The following KCNE4 variants were observed in gnomAD, a reference collection of about 807,000 sequenced individuals.
The protein encoded by KCNE4 is potassium voltage-gated channel subfamily E regulatory subunit 4.
Under a neutral mutation model 9.2 loss-of-function variants are expected in KCNE4, and 6 were observed. The ratio of observed to expected loss-of-function variants is 0.65; its 90% CI spans 0.36 to 1.29. KCNE4 has a LOEUF of 1.29. Among genes scored for constraint, KCNE4 ranks in the 50% most tolerant of loss-of-function variants. The pLI, the probability that KCNE4 is intolerant of heterozygous loss-of-function variation, is 0.03. For synonymous variants in KCNE4, 115 were observed against 103.2 expected, an observed-to-expected ratio of 1.11 and a Z score of -0.70; for missense variants, 222 against 228.8, an observed-to-expected ratio of 0.97 and a Z score of 0.19.
In KCNE4 at chr2:223,055,382, G is replaced by A. The variant is rs748740211; in HGVS notation, c.*2039G>A. ...TTTAAGTTGAAAGAAGCCAAGTTAAGTTTGGCCTCTTGCCTGGAATCACTT... is the reference window on the plus strand; with the variant it reads ...TTTAAGTTGAAAGAAGCCAAGTTAAATTTGGCCTCTTGCCTGGAATCACTT... On this transcript the variant is annotated 3_prime_UTR_variant, in exon 2 of 2. Coordinates refer to ENST00000281830, the MANE Select transcript of KCNE4 (RefSeq NM_080671.4). 2.4e-5 allele frequency: 4 copies of A among 167,096 alleles called. No individual in the cohort carries two copies. The highest frequency in any genetic ancestry group is 1.3e-4 in the Admixed American group (2 of 15,282). 10.4% of individuals were successfully genotyped at this position (167,096 alleles called of 1,614,324 possible).
Position 223,053,400 on chromosome 2 carries a change from GA to G in KCNE4, c.*58del. The G allele has an allele frequency of 6.6e-7, 1 of 1,523,890 alleles. No homozygotes were observed. Among genetic ancestry groups the G allele is most frequent in the Non-Finnish European group, 9.0e-7 (1 of 1,111,938 alleles). 94.4% of individuals were successfully genotyped at this position (1,523,890 alleles called of 1,614,324 possible). Reference sequence around the variant, plus strand: ...AGCCAGCAACCTTAGAGAGAGGAAAGACAGTTTTCAAGTGTCTGGTTTCACT... The same window carrying G: ...AGCCAGCAACCTTAGAGAGAGGAAAGCAGTTTTCAAGTGTCTGGTTTCACT... On this transcript the variant is annotated 3_prime_UTR_variant, in exon 2 of 2. Transcript: ENST00000281830. This position sits in a 1 kb window ranked among gnomAD's most constrained non-coding sequence, Gnocchi z 4.1.
At position 223,053,267 on chromosome 2, in the gene KCNE4, A is replaced by G; in HGVS notation, c.437A>G (p.Glu146Gly). The stretch of plus-strand genomic sequence containing the variant: ...ATTCAGGAGGAGGGGGCAGACGATG[A>G]GCTGGAGGAGACCTCGGAGACGCCC... ...LTIQEEGADD[E>G]LEETSETPLN... The change falls in exon 2 of 2, where the codon GAG becomes GGG. Residue 146 changes from glutamate to glycine, a missense_variant. By Grantham distance (98) the Glu-to-Gly change is moderately conservative (BLOSUM62 -2). Coordinates refer to ENST00000281830, the MANE Select transcript of KCNE4 (RefSeq NM_080671.4). This position sits in a 1 kb window ranked among gnomAD's most constrained non-coding sequence, Gnocchi z 4.1. 1.2e-6 allele frequency: 2 copies of G among 1,613,920 alleles called. No homozygotes were observed. Among genetic ancestry groups the G allele is most frequent in the Non-Finnish European group, 1.7e-6 (2 of 1,180,002 alleles).
rs1559332586 is a variant in KCNE4, at chr2:223,053,539, T to G, written c.*196T>G. The stretch of plus-strand genomic sequence containing the variant: ...ACCTCCAAGGAGTCCGGGAGGTGCC[T>G]GTGGTTTGCACCCACCACTGAAAAA... On this transcript the variant is annotated 3_prime_UTR_variant, in exon 2 of 2. Coordinates refer to ENST00000281830, the MANE Select transcript of KCNE4 (RefSeq NM_080671.4). This position sits in a 1 kb window ranked among gnomAD's most constrained non-coding sequence, Gnocchi z 4.1. 4.7e-6 allele frequency: 3 copies of G among 637,696 alleles called. No individual in the cohort carries two copies. Among genetic ancestry groups the G allele is most frequent in the Non-Finnish European group, 8.5e-6 (3 of 352,428 alleles). 39.5% of individuals were successfully genotyped at this position (637,696 alleles called of 1,614,324 possible).
rs1452697744 is a variant in KCNE4, at chr2:223,052,906, G to T, written c.76G>T (p.Ala26Ser). 1.2e-6 allele frequency: 2 copies of T among 1,613,898 alleles called. No homozygotes were observed. Among genetic ancestry groups the T allele is most frequent in the South Asian group, 2.2e-5 (2 of 91,096 alleles). The part of the protein sequence containing the change: ...ASSSPLESRA[A>S]GGGSGNGNEY... ...CAGCAGCCCCCTGGAGTCCCGTGCG[G>T]CCGGCGGCGGCAGCGGCAATGGCAA... The change falls in exon 2 of 2, where the codon GCC (alanine) becomes TCC (serine). Residue 26 changes from alanine to serine, a missense_variant. Transcript: ENST00000281830.
Position 223,053,201 on chromosome 2 carries a change from G to A in KCNE4, c.371G>A (p.Ser124Asn). 6.2e-7 allele frequency: 1 copy of A among 1,612,864 alleles called. No homozygotes were observed. Among genetic ancestry groups the A allele is most frequent in the Non-Finnish European group, 8.5e-7 (1 of 1,179,210 alleles). Residue 124 changes from serine to asparagine, a missense_variant, in exon 2 of 2, where the codon AGC becomes AAC. Coordinates refer to ENST00000281830, the MANE Select transcript of KCNE4 (RefSeq NM_080671.4). This position sits in a 1 kb window ranked among gnomAD's most constrained non-coding sequence, Gnocchi z 4.1. The stretch of plus-strand genomic sequence containing the variant: ...ACCCTCTGTTCCATGGAAGGGGACA[G>A]CGTGAGCTCCGAGTCCTCCTCCCCG... The part of the protein sequence containing the change: ...SCTLCSMEGD[S>N]VSSESSSPDV...
chr2:223,052,585 A>G (rs1698709155), intron 1 of KCNE4, among the ~76,000 whole-genome samples: 1 of 151,584 alleles, frequency 6.6e-6, no homozygotes, highest in Admixed American at 6.6e-5. Flanking sequence ...AAAAAAAAAA[A>G]AAGTCCTTCT....
At chr2:223,052,426 A>C (rs1237042934) in intron 1 of KCNE4, among the ~76,000 whole-genome samples, 152 bp downstream of exon 1, 1 of 152,156 alleles carries the variant, frequency 6.6e-6, no homozygotes, top group Non-Finnish European at 1.5e-5. Context: ...TTGGTTTTGG[A>C]AACACAATGT....
At position 223,052,287 on chromosome 2, in the gene KCNE4, G is replaced by A; in HGVS notation, c.-24+13G>A. The A allele has an allele frequency of 1.6e-6, 2 of 1,237,988 alleles. No individual in the cohort carries two copies. Among genetic ancestry groups the A allele is most frequent in the Non-Finnish European group, 2.0e-6 (2 of 991,824 alleles). The allele number at this position is 1,237,988 out of a possible 1,614,324, so 76.7% of individuals were successfully genotyped here. A position where few individuals can be genotyped will look rare whatever the true frequency, so the allele number is the denominator to read the frequency against. On this transcript the variant is annotated intron_variant, in intron 1 of 1. Transcript: ENST00000281830. The stretch of plus-strand genomic sequence containing the variant: ...ACTGTCAGCCTTGGTAAGTCAGCAA[G>A]GCTACACTTTGCTTTCAGAAACATT...
In KCNE4 at chr2:223,053,372, A is replaced by G. The variant is rs1217269047; in HGVS notation, c.*29A>G. ...CCCCGGGACCCCTGCCGGTGGCTCCATCAGCCAGCAACCTTAGAGAGAGGA... is the reference window on the plus strand; with the variant it reads ...CCCCGGGACCCCTGCCGGTGGCTCCGTCAGCCAGCAACCTTAGAGAGAGGA... On this transcript the variant is annotated 3_prime_UTR_variant, in exon 2 of 2. Coordinates refer to ENST00000281830, the MANE Select transcript of KCNE4 (RefSeq NM_080671.4). The surrounding 1 kb of genome is among the most constrained non-coding windows in gnomAD (Gnocchi z 4.1). 1.3e-6 allele frequency: 2 copies of G among 1,595,526 alleles called. No individual in the cohort carries two copies. Among genetic ancestry groups the G allele is most frequent in the South Asian group, 2.2e-5 (2 of 89,676 alleles).
rs1698752003 is a variant in KCNE4, at chr2:223,055,347, A to G, written c.*2004A>G. ...TAAAATTCAGTGTGGACTTATGCCA[A>G]AGGGGGCTGTTTAAGTTGAAAGAAG... On this transcript the variant is annotated 3_prime_UTR_variant, in exon 2 of 2. Transcript: ENST00000281830. The G allele has an allele frequency of 6.0e-6, 1 of 167,182 alleles. No homozygotes were observed. Among genetic ancestry groups the G allele is most frequent in the South Asian group, 2.1e-4 (1 of 4,828 alleles). 10.4% of individuals were successfully genotyped at this position (167,182 alleles called of 1,614,324 possible).
rs1698728437 is a variant in KCNE4, at chr2:223,053,682, G to T, written c.*339G>T. ...TCACTGGATGCCCTGGGTAGCTCCT[G>T]CAGGGTCTGCCTGTTCCCAGGGCTG... On this transcript the variant is annotated 3_prime_UTR_variant, in exon 2 of 2. Transcript: ENST00000281830. The surrounding 1 kb of genome is among the most constrained non-coding windows in gnomAD (Gnocchi z 4.1). The T allele has an allele frequency of 5.4e-6, 2 of 369,480 alleles. No individual in the cohort carries two copies. Among genetic ancestry groups the T allele is most frequent in the South Asian group, 2.9e-5 (1 of 34,914 alleles). 22.9% of individuals were successfully genotyped at this position (369,480 alleles called of 1,614,324 possible).
At position 223,053,252 on chromosome 2, in the gene KCNE4, A is replaced by C. The variant is rs149110444; in HGVS notation, c.422A>C (p.Glu141Ala). 4.7e-4 allele frequency: 759 copies of C among 1,613,860 alleles called. No homozygotes were observed. The highest frequency in any genetic ancestry group is 5.9e-4 in the Non-Finnish European group (700 of 1,179,974). Residue 141 changes from glutamate (E) to alanine (A), a missense_variant, in exon 2 of 2, where the codon GAG (glutamate) becomes GCG (alanine). Transcript: ENST00000281830. This position sits in a 1 kb window ranked among gnomAD's most constrained non-coding sequence, Gnocchi z 4.1. The part of the protein sequence containing the change: ...SPDVHLTIQE[E>A]GADDELEETS... ...GACGTGCACCTCACCATTCAGGAGG[A>C]GGGGGCAGACGATGAGCTGGAGGAG... is the stretch of plus-strand genomic sequence containing the variant.
rs760505003 is a variant in KCNE4, at chr2:223,053,068, TG to T, written c.244del (p.Glu82ArgfsTer3). ...LLLYKDEERLWGEAMKPLPVV... is the reference protein window; with the variant it reads ...LLLYKDEERLXGEAMKPLPVV... ...GCTGTACAAAGACGAGGAGCGGCTC[TG>T]GGGGGAGGCCATGAAGCCGCTGCCT... On this transcript the variant is annotated frameshift_variant, in exon 2 of 2. Transcript: ENST00000281830. LOFTEE classifies it high-confidence loss of function. The surrounding 1 kb of genome is among the most constrained non-coding windows in gnomAD (Gnocchi z 4.1). 2 of 1,613,926 alleles carry T rather than the reference TG, an allele frequency of 1.2e-6. No homozygotes were observed. The highest frequency in any genetic ancestry group is 1.7e-6 in the Non-Finnish European group (2 of 1,179,988).
rs1698742670 is a variant in KCNE4, at chr2:223,054,776, G to C, written c.*1433G>C. On this transcript the variant is annotated 3_prime_UTR_variant, in exon 2 of 2. Coordinates refer to ENST00000281830, the MANE Select transcript of KCNE4 (RefSeq NM_080671.4). Reference sequence around the variant, plus strand: ...CTGTGGTCAACAGTTTCGCAGATCCGTTAGGCCCTTAAAGACAAGGAGGAA... The same window carrying C: ...CTGTGGTCAACAGTTTCGCAGATCCCTTAGGCCCTTAAAGACAAGGAGGAA... The C allele has an allele frequency of 6.0e-6, 1 of 166,758 alleles. No homozygotes were observed. 10.3% of individuals were successfully genotyped at this position (166,758 alleles called of 1,614,324 possible). A position where few individuals can be genotyped will look rare whatever the true frequency, so the allele number is the denominator to read the frequency against.
chr2:223,053,095 G>A lies in KCNE4; in HGVS notation c.265G>A (p.Val89Met). The change falls in exon 2 of 2, where the codon GTG becomes ATG. Residue 89 changes from valine to methionine, a missense_variant. Val to Met is a conservative substitution (Grantham distance 21). Coordinates refer to ENST00000281830, the MANE Select transcript of KCNE4 (RefSeq NM_080671.4). The surrounding 1 kb of genome is among the most constrained non-coding windows in gnomAD (Gnocchi z 4.1). ...GGGGGAGGCCATGAAGCCGCTGCCT[G>A]TGGTGTCGGGCCTGAGGTCGGTGCA... ...LWGEAMKPLP[V>M]VSGLRSVQVP... 1.9e-6 allele frequency: 3 copies of A among 1,613,872 alleles called. No homozygotes were observed. Among genetic ancestry groups the A allele is most frequent in the Non-Finnish European group, 1.7e-6 (2 of 1,179,944 alleles).
chr2:223,053,585 G>A lies in KCNE4; in HGVS notation c.*242G>A, dbSNP rs1574612000. ...AAAAAGCCGCGGAGATGCGCAGCGC[G>A]TACACTGACTTTGGGGCCTGGGTGT... On this transcript the variant is annotated 3_prime_UTR_variant, in exon 2 of 2. Transcript: ENST00000281830. The surrounding 1 kb of genome is among the most constrained non-coding windows in gnomAD (Gnocchi z 4.1). 1.8e-6 allele frequency: 1 copy of A among 561,956 alleles called. No homozygotes were observed. The highest frequency in any genetic ancestry group is 3.3e-6 in the Non-Finnish European group (1 of 304,484). The allele number at this position is 561,956 out of a possible 1,614,324, so 34.8% of individuals were successfully genotyped here.
At chr2:223,052,571 T>TAAAAA (rs71906281) in intron 1 of KCNE4, among the ~76,000 whole-genome samples, 10 of 131,958 alleles carry the variant, frequency 7.6e-5, no homozygotes, top group South Asian at 2.5e-4. Context: ...ATGTGTACAC[T>TAAAAA]AAAAAAAAAA....
At position 223,055,306 on chromosome 2, in the gene KCNE4, G is replaced by C. The variant is rs991971330; in HGVS notation, c.*1963G>C. 5 of 167,066 alleles carry C rather than the reference G, an allele frequency of 3.0e-5. No individual in the cohort carries two copies. Among genetic ancestry groups the C allele is most frequent in the Non-Finnish European group, 7.3e-5 (5 of 68,118 alleles). The allele number at this position is 167,066 out of a possible 1,614,324, so 10.3% of individuals were successfully genotyped here. The stretch of plus-strand genomic sequence containing the variant: ...AGGAAATTTATGTTTGGGGGAAAAA[G>C]GCCCTCTGTTCACTTTAAAATTCAG... On this transcript the variant is annotated 3_prime_UTR_variant, in exon 2 of 2. Transcript: ENST00000281830.
rs1698728284 is a variant in KCNE4 at position 223,053,660 on chromosome 2, C to T, written c.*317C>T. On this transcript the variant is annotated 3_prime_UTR_variant, in exon 2 of 2. Coordinates refer to ENST00000281830, the MANE Select transcript of KCNE4 (RefSeq NM_080671.4). This position sits in a 1 kb window ranked among gnomAD's most constrained non-coding sequence, Gnocchi z 4.1. ...GGATGATATGTTTGCCATTTTCTCACTGGATGCCCTGGGTAGCTCCTGCAG... is the reference window on the plus strand; with the variant it reads ...GGATGATATGTTTGCCATTTTCTCATTGGATGCCCTGGGTAGCTCCTGCAG... 1 of 401,230 alleles carries T rather than the reference C, an allele frequency of 2.5e-6. No individual in the cohort carries two copies. Among genetic ancestry groups the T allele is most frequent in the Non-Finnish European group, 4.9e-6 (1 of 204,128 alleles). The allele number at this position is 401,230 out of a possible 1,614,324, so 24.9% of individuals were successfully genotyped here.
Sources: gnomAD v4.1 joint callset for allele counts (sites outside exome capture counted in the v4.1 genomes callset) on GRCh38, gnomAD v4.1.1 for gene constraint, Gnocchi (gnomAD v3.1) non-coding constraint, MANE v1.5 for transcripts, NCBI Gene and HGNC (gene_info 2026-07-23, HGNC 2026-07-21) for gene names.